Variants in KHDRBS2 observed in about 807,000 individuals in gnomAD.
The protein encoded by KHDRBS2 is KH RNA binding domain containing, signal transduction associated 2.
In KHDRBS2, 26 loss-of-function variants were observed where a neutral mutation model predicts 44.3. The observed-to-expected ratio is 0.59, with a 90% confidence interval of 0.43 to 0.81. The LOEUF (loss-of-function observed/expected upper bound fraction) is 0.81, where lower values mean the gene tolerates loss of function less well. Ranked by LOEUF, KHDRBS2 falls within the 40% of genes least tolerant of loss-of-function variation. The pLI is 0.00. For missense variants in KHDRBS2, 476 were observed against 433.1 expected (o/e 1.10, Z -0.88); for synonymous variants, 194 against 151.1 (o/e 1.28, Z -2.08).
At chr6:62,155,497 T>C (rs952389608) in intron 2 of KHDRBS2, among the ~76,000 whole-genome samples, 2 of 152,098 alleles carry the variant, frequency 1.3e-5, no homozygotes, top group African/African-American at 4.8e-5. Context: ...GAAGATGAGA[T>C]TGCCTGGGAT....
chr6:61,987,241 C>T (rs1775216437), intron 3 of KHDRBS2, among the ~76,000 whole-genome samples: 1 of 152,088 alleles, frequency 6.6e-6, no homozygotes, highest in Non-Finnish European at 1.5e-5. Context: ...TCTTACTAAA[C>T]AGTATTATAG....
intron 3 of KHDRBS2, among the ~76,000 whole-genome samples, chr6:62,023,829 T>G (rs987807357): frequency 6.6e-6 from 1 of 151,168 alleles, no homozygotes; most frequent in Admixed American, 6.6e-5. Context: ...ATTACTTAGA[T>G]ATGCGCAAAT....
At chr6:62,036,852 A>G (rs6932575) in intron 3 of KHDRBS2, among the ~76,000 whole-genome samples, 1 of 152,030 alleles carries the variant, frequency 6.6e-6, no homozygotes, top group African/African-American at 2.4e-5. Context: ...TAGTATCTTT[A>G]GGTTTTCTGC....
rs1481449997 is a variant in KHDRBS2, at chr6:61,721,894, A to C, written c.893+10788T>G. Among the ~76,000 whole-genome samples the C allele has an allele frequency of 3.4e-5, 5 of 145,350 alleles. No homozygotes were observed. In the South Asian group the frequency reaches 1.1e-3, roughly 32 times the overall value. On this transcript the variant is annotated intron_variant, in intron 7 of 8. Transcript: ENST00000281156. Reference sequence around the variant, plus strand: ...GAATACTTCCAGTTTTTGCCCATTCAGTATGATATTGGCTGTGGGTCTGTC... The same window carrying C: ...GAATACTTCCAGTTTTTGCCCATTCCGTATGATATTGGCTGTGGGTCTGTC...
chr6:62,049,888 C>T (rs566256186), intron 2 of KHDRBS2, among the ~76,000 whole-genome samples: 2 of 152,026 alleles, frequency 1.3e-5, no homozygotes, highest in Non-Finnish European at 2.9e-5. Context: ...GTGTTGATTC[C>T]TCAAGGATCT....
chr6:62,183,358 G>C (rs542147021), intron 1 of KHDRBS2, among the ~76,000 whole-genome samples: 1 of 151,614 alleles, frequency 6.6e-6, no homozygotes, highest in South Asian at 2.1e-4. Context: ...TTAAATAAAT[G>C]AAGTGTTTCC....
intron 1 of KHDRBS2, among the ~76,000 whole-genome samples, chr6:62,235,338 C>T (rs1438987849): frequency 6.6e-6 from 1 of 152,002 alleles, no homozygotes; most frequent in East Asian, 1.9e-4. Context: ...CCTAGATAGA[C>T]ACTTTCTTCT....
At chr6:62,089,347 A>G (rs1799057138) in intron 2 of KHDRBS2, among the ~76,000 whole-genome samples, 1 of 151,250 alleles carries the variant, frequency 6.6e-6, no homozygotes, top group African/African-American at 2.4e-5. Context: ...CTTGAAACCG[A>G]GGGCCCTTGT....
At chr6:61,979,655 G>A (rs543317392) in intron 3 of KHDRBS2, among the ~76,000 whole-genome samples, 1 of 152,168 alleles carries the variant, frequency 6.6e-6, no homozygotes, top group Admixed American at 6.5e-5. Context: ...ACTTCTCTAA[G>A]GATACTTTCA....
intron 4 of KHDRBS2, among the ~76,000 whole-genome samples, chr6:61,965,339 C>T (rs754070653): frequency 6.6e-6 from 1 of 151,984 alleles, no homozygotes; most frequent in Non-Finnish European, 1.5e-5. Flanking sequence ...TATGGTCAAC[C>T]GCTAGGACTG....
chr6:62,024,037 C>G (rs1254822001), intron 3 of KHDRBS2, among the ~76,000 whole-genome samples: 3 of 150,322 alleles, frequency 2.0e-5, no homozygotes, highest in Admixed American at 2.0e-4. Context: ...ACATTCAATC[C>G]CAATATAAAA....
chr6:61,863,336 G>C (rs1797306758), intron 6 of KHDRBS2, among the ~76,000 whole-genome samples: 1 of 149,214 alleles, frequency 6.7e-6, no homozygotes, highest in South Asian at 2.1e-4. Context: ...GTCAGTGTTA[G>C]GGTGCCTTTG....
At chr6:62,020,261 T>C (rs1782012047) in intron 3 of KHDRBS2, among the ~76,000 whole-genome samples, 1 of 152,018 alleles carries the variant, frequency 6.6e-6, no homozygotes, top group South Asian at 2.1e-4. Flanking sequence ...TTTCCAGAGG[T>C]AACATATTTA....
At chr6:61,823,375 C>T (rs2127254134) in intron 6 of KHDRBS2, among the ~76,000 whole-genome samples, 1 of 152,108 alleles carries the variant, frequency 6.6e-6, no homozygotes, top group South Asian at 2.1e-4. Flanking sequence ...CATGTGTATT[C>T]AGTCTTTTGC....
intron 6 of KHDRBS2, among the ~76,000 whole-genome samples, chr6:61,878,053 C>A (rs1370027060): frequency 1.3e-5 from 2 of 151,656 alleles, no homozygotes; most frequent in Non-Finnish European, 2.9e-5. Flanking sequence ...GAATTATTTC[C>A]AGAGCTTGGT....
intron 7 of KHDRBS2, among the ~76,000 whole-genome samples, chr6:61,723,595 G>C (rs1332241344): frequency 3.3e-5 from 5 of 151,808 alleles, no homozygotes; most frequent in Non-Finnish European, 5.9e-5. Flanking sequence ...CAATACAGAA[G>C]CTGATAGGCA....
At chr6:61,821,429 A>G (rs1789896086) in intron 6 of KHDRBS2, among the ~76,000 whole-genome samples, 1 of 151,974 alleles carries the variant, frequency 6.6e-6, no homozygotes, top group African/African-American at 2.4e-5. Context: ...TCATTAGTGG[A>G]CACAGGATAT....
At chr6:61,812,673 C>A (rs1381718467) in intron 6 of KHDRBS2, among the ~76,000 whole-genome samples, 1 of 151,968 alleles carries the variant, frequency 6.6e-6, no homozygotes, top group Non-Finnish European at 1.5e-5. Flanking sequence ...ACATAGTCAA[C>A]TTTGGCAATA....
chr6:62,194,682 T>C (rs765402116), intron 1 of KHDRBS2, among the ~76,000 whole-genome samples: 3 of 151,366 alleles, frequency 2.0e-5, no homozygotes, highest in Non-Finnish European at 4.4e-5. Flanking sequence ...AACTTTTGTA[T>C]TTTTAGTAGA....
Sources: gnomAD v4.1 joint callset for allele counts (sites outside exome capture counted in the v4.1 genomes callset) on GRCh38, gnomAD v4.1.1 for gene constraint, MANE v1.5 for transcripts, NCBI Gene and HGNC (gene_info 2026-07-23, HGNC 2026-07-21) for gene names.